LAMTOR5: variants seen among roughly 807,000 people sequenced by gnomAD.
LAMTOR5 encodes late endosomal/lysosomal adaptor, MAPK and MTOR activator 5, also known as ragulator complex protein LAMTOR5.
LAMTOR5 carries 8 observed loss-of-function variants against 12.1 expected under a neutral mutation model. The ratio of observed to expected loss-of-function variants is 0.66; its 90% CI spans 0.39 to 1.19. The LOEUF (loss-of-function observed/expected upper bound fraction) is 1.19. LAMTOR5 is among the 50% of genes most tolerant of loss of function. The pLI is 0.01. For missense variants in LAMTOR5, 110 were observed against 112.8 expected, an observed-to-expected ratio of 0.97 and a Z score of 0.11; for synonymous variants, 37 against 41.9, an observed-to-expected ratio of 0.88 and a Z score of 0.45.
upstream of LAMTOR5, chr1:110,407,900 C>T (rs1383338693): frequency 6.3e-7 from 1 of 1,596,414 alleles, no homozygotes; most frequent in East Asian, 2.3e-5. Context: ...ATTCCCCTCT[C>T]GGGAGAGGTC....
chr1:110,407,203 G>A, intron 1 of LAMTOR5: 2 of 578,734 alleles, frequency 3.5e-6, no homozygotes, highest in Middle Eastern at 3.6e-4. Context: ...ACACACAGGA[G>A]ATACGTGTTT....
intron 2 of LAMTOR5, among the ~76,000 whole-genome samples, chr1:110,404,610 TG>T (rs1663291475): frequency 1.3e-5 from 2 of 152,384 alleles, no homozygotes; most frequent in South Asian, 4.1e-4. Context: ...CAACAAGTCT[TG>T]GGTTTACTAG....
At chr1:110,404,592 A>G (rs1208127876) in intron 2 of LAMTOR5, among the ~76,000 whole-genome samples, 2 of 152,232 alleles carry the variant, frequency 1.3e-5, no homozygotes, top group Non-Finnish European at 2.9e-5. Context: ...ACATTCCTGC[A>G]TTAGGAGCAA....
intron 1 of LAMTOR5, chr1:110,407,192 T>G: frequency 1.7e-6 from 1 of 584,710 alleles, no homozygotes; most frequent in South Asian, 2.2e-5. Flanking sequence ...ACTGATAGGT[T>G]ACACACAGGA....
At chr1:110,402,630 G>A (rs1663251878) in intron 3 of LAMTOR5, among the ~76,000 whole-genome samples, 1 of 152,138 alleles carries the variant, frequency 6.6e-6, no homozygotes, top group African/African-American at 2.4e-5. Context: ...AGGTCCTTTA[G>A]GAGGTATTCC....
At chr1:110,402,672 TC>T (rs1396145810) in intron 3 of LAMTOR5, among the ~76,000 whole-genome samples, 1 of 152,162 alleles carries the variant, frequency 6.6e-6, no homozygotes, top group Non-Finnish European at 1.5e-5. Flanking sequence ...AGATGACAAC[TC>T]CATGCATGTT....
intron 1 of LAMTOR5, 190 bp downstream of exon 1, chr1:110,407,396 G>T: frequency 1.4e-6 from 1 of 723,534 alleles, no homozygotes; most frequent in South Asian, 1.9e-5. Context: ...GTGCCCGGCA[G>T]GATTTTAATT....
rs1663333858 is a variant in LAMTOR5 at position 110,406,551 on chromosome 1, G to A, written c.36-172C>T. 6 of 458,692 alleles carry A rather than the reference G, an allele frequency of 1.3e-5. No homozygotes were observed. The South Asian group carries it at 1.7e-4, about 13-fold the overall frequency. The allele number at this position is 458,692 out of a possible 1,614,324, so 28.4% of individuals were successfully genotyped here. ...AAAAAATTAAGTTCTAGGGCCGGGCGCGGTTGCTCACGCCTGTAATCCCAG... is the reference window on the plus strand; with the variant it reads ...AAAAAATTAAGTTCTAGGGCCGGGCACGGTTGCTCACGCCTGTAATCCCAG... On this transcript the variant is annotated intron_variant, in intron 1 of 3. Coordinates refer to ENST00000602318, the MANE Select transcript of LAMTOR5 (RefSeq NM_001382293.1).
intron 2 of LAMTOR5, among the ~76,000 whole-genome samples, chr1:110,405,773 AG>A (rs1361184905): frequency 1.3e-5 from 2 of 152,366 alleles, no homozygotes; most frequent in African/African-American, 4.8e-5. Context: ...AACCCAGTGA[AG>A]AAAATGAGGG....
At position 110,401,281 on chromosome 1, in the gene LAMTOR5, A is replaced by G. The variant is rs1663223874; in HGVS notation, c.*242T>C. 2 of 352,724 alleles carry G rather than the reference A, an allele frequency of 5.7e-6. No homozygotes were observed. Among genetic ancestry groups the G allele is most frequent in the Admixed American group, 4.5e-5 (1 of 22,018 alleles). The allele number at this position is 352,724 out of a possible 1,614,324, so 21.8% of individuals were successfully genotyped here. On this transcript the variant is annotated 3_prime_UTR_variant, in exon 4 of 4. Transcript: ENST00000602318. ...TCCTCCAAACAGATTTATTGAATAC[A>G]GCAAAATTCTATATACAAAGTGACC...
intron 3 of LAMTOR5, 38 bp downstream of exon 3, chr1:110,403,881 C>T: frequency 6.2e-7 from 1 of 1,606,074 alleles, no homozygotes; most frequent in African/African-American, 1.3e-5. Context: ...AGGAATTTTT[C>T]TGAACAAAAA....
Position 110,401,514 on chromosome 1 carries a change from A to C in LAMTOR5, c.*9T>G. ...CCTATGACAGGCTGCTGAAGAACAG[A>C]TATGAGCATCAAGAGGCCATTTTGT... On this transcript the variant is annotated 3_prime_UTR_variant, in exon 4 of 4. Coordinates refer to ENST00000602318, the MANE Select transcript of LAMTOR5 (RefSeq NM_001382293.1). 6.2e-7 allele frequency: 1 copy of C among 1,603,288 alleles called. No homozygotes were observed. Among genetic ancestry groups the C allele is most frequent in the Non-Finnish European group, 8.5e-7 (1 of 1,171,132 alleles).
At chr1:110,407,329 T>C (rs766069989) in intron 1 of LAMTOR5, 284 of 590,898 alleles carry the variant, frequency 4.8e-4, no homozygotes, top group Non-Finnish European at 5.8e-4. Context: ...AACAACGAGA[T>C]AGGCAGTTTT....
chr1:110,403,618 GAA>G (rs796108768), intron 3 of LAMTOR5: 124 of 187,878 alleles, frequency 6.6e-4, no homozygotes, highest in South Asian at 1.8e-3. Flanking sequence ...GCCTCAAAAA[GAA>G]AAAAAAAAAA....
chr1:110,401,550 C>A lies in LAMTOR5; in HGVS notation c.249G>T (p.Thr83=). 1 of 1,607,906 alleles carries A rather than the reference C, an allele frequency of 6.2e-7. No homozygotes were observed. The highest frequency in any genetic ancestry group is 8.5e-7 in the Non-Finnish European group (1 of 1,174,966). Reference sequence around the variant, plus strand: ...AAGAGGCCATTTTGTGCACTGCCACCGTGATGCCATCGTGTTTCTGGATCA... The same window carrying A: ...AAGAGGCCATTTTGTGCACTGCCACAGTGATGCCATCGTGTTTCTGGATCA... ...NIMIQKHDGI[T]VAVHKMAS is the part of the protein sequence containing the mutation. The change falls in exon 4 of 4, where the codon ACG becomes ACT. Residue 83 remains threonine (T), a synonymous_variant. Transcript: ENST00000602318.
At position 110,407,663 on chromosome 1, in the gene LAMTOR5, A is replaced by G; in HGVS notation, c.-43T>C. The stretch of plus-strand genomic sequence containing the variant: ...CCGGCTCAGAACCCAGCGGCACGGC[A>G]CGTCCTTCTCCACCACAGGCCTCAG... On this transcript the variant is annotated 5_prime_UTR_variant, in exon 1 of 4. Coordinates refer to ENST00000602318, the MANE Select transcript of LAMTOR5 (RefSeq NM_001382293.1). 1 of 1,614,160 alleles carries G rather than the reference A, an allele frequency of 6.2e-7. No individual in the cohort carries two copies. The highest frequency in any genetic ancestry group is 8.5e-7 in the Non-Finnish European group (1 of 1,180,028).
In LAMTOR5 at chr1:110,407,588, G is replaced by C; in HGVS notation, c.33C>G (p.Asp11Glu). The C allele has an allele frequency of 6.2e-7, 1 of 1,613,946 alleles. No homozygotes were observed. The highest frequency in any genetic ancestry group is 8.5e-7 in the Non-Finnish European group (1 of 1,179,920). Residue 11 changes from aspartate (D) to glutamate (E), a missense_variant and splice_region_variant, in exon 1 of 4, where the codon GAC becomes GAG. Coordinates refer to ENST00000602318, the MANE Select transcript of LAMTOR5 (RefSeq NM_001382293.1). MEATLEQHLE[D>E]TMKNPSIVGV... is the part of the protein sequence containing the mutation. ...CCGAAGAGGCGCGCACTACTCACGT[G>C]TCTTCCAAGTGCTGCTCCAAGGTCG...
At position 110,401,565 on chromosome 1, in the gene LAMTOR5, T is replaced by C. The variant is rs1213497037; in HGVS notation, c.234A>G (p.Lys78=). 3 of 1,606,428 alleles carry C rather than the reference T, an allele frequency of 1.9e-6. No individual in the cohort carries two copies. The highest frequency in any genetic ancestry group is 1.7e-5 in the Admixed American group (1 of 59,904). Residue 78 remains lysine (K), a synonymous_variant, in exon 4 of 4, where the codon AAA becomes AAG. Transcript: ENST00000602318. ...ESDNGNIMIQ[K]HDGITVAVHK... ...GCACTGCCACCGTGATGCCATCGTG[T>C]TTCTGGATCATAATGTTCCTGAAAT...
At chr1:110,403,368 G>A (rs1282326570) in intron 3 of LAMTOR5, among the ~76,000 whole-genome samples, 1 of 152,026 alleles carries the variant, frequency 6.6e-6, no homozygotes, top group Non-Finnish European at 1.5e-5. Context: ...CAGCACTTTG[G>A]GAGGCTGAGG....
Sources: allele counts gnomAD v4.1 joint callset (sites outside exome capture counted in the v4.1 genomes callset), GRCh38; gene constraint gnomAD v4.1.1; transcripts MANE v1.5; gene names NCBI Gene and HGNC (gene_info 2026-07-23, HGNC 2026-07-21).